Variants in MPP7 observed in about 807,000 individuals in gnomAD.
MPP7 encodes MAGUK p55 scaffold protein 7.
Under a neutral mutation model 76.5 loss-of-function variants are expected in MPP7, and 60 were observed. That is an observed-to-expected ratio of 0.78 (90% CI 0.64 to 0.97). MPP7 has a LOEUF of 0.97. MPP7 is among the 50% of genes least tolerant of loss of function. The probability of loss-of-function intolerance (pLI) is 0.00; values close to 1 mark genes in which losing one functional copy is unlikely to be tolerated. For synonymous variants in MPP7, 237 were observed against 244.5 expected (o/e 0.97, Z 0.29); for missense variants, 641 against 694.0 (o/e 0.92, Z 0.86).
At chr10:28,062,360 T>A (rs57831449) in intron 13 of MPP7, among the ~76,000 whole-genome samples, 123 of 151,340 alleles carry the variant, frequency 8.1e-4, no homozygotes, top group African/African-American at 2.9e-3. Context: ...AAAAAGCTAA[T>A]CCAGAGATAC....
Position 28,315,582 on chromosome 10 carries a change from C to T in MPP7, c.-132+14347G>A, listed in dbSNP as rs530861074. ...TGAACTGGATGGTTTTTAAGGGCTTCTTTTAGTTGTTGAAAGCTACAGGAA... is the reference window on the plus strand; with the variant it reads ...TGAACTGGATGGTTTTTAAGGGCTTTTTTTAGTTGTTGAAAGCTACAGGAA... On this transcript the variant is annotated intron_variant, in intron 2 of 11. Coordinates refer to the MPP7 transcript ENST00000441595. Among the ~76,000 whole-genome samples, 10 of 152,226 alleles carry T rather than the reference C, an allele frequency of 6.6e-5. No individual in the cohort carries two copies. In the East Asian group the frequency reaches 1.7e-3, roughly 26 times the overall value.
chr10:28,134,097 T>C (rs1436026493), intron 5 of MPP7, among the ~76,000 whole-genome samples: 3 of 152,214 alleles, frequency 2.0e-5, no homozygotes, highest in Non-Finnish European at 4.4e-5. Flanking sequence ...CATAGATATA[T>C]AGTAAGCCCA....
chr10:28,244,590 T>C (rs183339591), intron 1 of MPP7, among the ~76,000 whole-genome samples: 1 of 152,296 alleles, frequency 6.6e-6, no homozygotes, highest in East Asian at 1.9e-4. Context: ...AACCAACATA[T>C]GTCCTTTCCA....
At position 28,125,082 on chromosome 10, in the gene MPP7, T is replaced by A; in HGVS notation, c.457A>T (p.Ile153Phe). Residue 153 changes from isoleucine to phenylalanine, a missense_variant, in exon 7 of 17, where the codon ATT (isoleucine) becomes TTT (phenylalanine). Physicochemically the swap from Ile to Phe is conservative, Grantham distance 21. Coordinates refer to ENST00000683449, the MANE Select transcript of MPP7 (RefSeq NM_001318170.2). ...VKNREPLGAT[I>F]KKDEQTGAII... is the part of the protein sequence containing the mutation. ...GCCCCGGTCTGTTCATCCTTCTTAA[T>A]GGTAGCTCCCTTTTAAGACAAAAAC... 1.2e-6 allele frequency: 2 copies of A among 1,613,922 alleles called. No homozygotes were observed. Among genetic ancestry groups the A allele is most frequent in the Non-Finnish European group, 1.7e-6 (2 of 1,179,826 alleles).
At chr10:28,171,600 C>T (rs1836682842) in intron 3 of MPP7, among the ~76,000 whole-genome samples, 1 of 152,208 alleles carries the variant, frequency 6.6e-6, no homozygotes, top group Non-Finnish European at 1.5e-5. Flanking sequence ...TACTGAACCT[C>T]TTTCACGGGT....
At chr10:28,114,015 T>C (rs1254172990) in intron 11 of MPP7, among the ~76,000 whole-genome samples, 5 of 152,080 alleles carry the variant, frequency 3.3e-5, no homozygotes. Context: ...CCAGCTCCTC[T>C]CTCCAGTGTT....
At chr10:28,065,560 C>T (rs1252006142) in intron 13 of MPP7, among the ~76,000 whole-genome samples, 7 of 152,070 alleles carry the variant, frequency 4.6e-5, no homozygotes, top group Admixed American at 2.6e-4. Context: ...AAGGCAGGCA[C>T]GACTCCATCA....
rs1834390635 is a variant in MPP7, at chr10:28,324,148, T to A, written c.-132+5781A>T. 2.0e-5 allele frequency among the ~76,000 whole-genome samples: 3 copies of A among 152,122 alleles called. No individual in the cohort carries two copies. In the South Asian group the frequency reaches 6.2e-4, roughly 31 times the overall value. ...TATTAGGAGGCAGGGTCTTTGGGGC[T>A]GTGACTAGGTCATGAAGGTTCTGAA... is the stretch of plus-strand genomic sequence containing the variant. On this transcript the variant is annotated intron_variant, in intron 2 of 11. Transcript: ENST00000441595.
chr10:28,135,070 A>G (rs963490662), intron 5 of MPP7, among the ~76,000 whole-genome samples: 2 of 152,214 alleles, frequency 1.3e-5, no homozygotes, highest in African/African-American at 4.8e-5. Context: ...ATCAAGCAAC[A>G]AAGGACAGAG....
chr10:28,176,705 C>G (rs1316752730), intron 3 of MPP7, among the ~76,000 whole-genome samples: 1 of 151,864 alleles, frequency 6.6e-6, no homozygotes, highest in Non-Finnish European at 1.5e-5. Context: ...CAACTGCACT[C>G]CAGCCTGAGC....
At chr10:28,215,013 A>G (rs769088516) in intron 2 of MPP7, among the ~76,000 whole-genome samples, 15 of 152,232 alleles carry the variant, frequency 9.9e-5, no homozygotes, top group South Asian at 2.1e-4. Flanking sequence ...CAGACAGGTA[A>G]TCTGGCTCAA....
intron 1 of MPP7, among the ~76,000 whole-genome samples, chr10:28,271,294 A>T (rs1840319511): frequency 6.6e-6 from 1 of 152,232 alleles, no homozygotes; most frequent in African/African-American, 2.4e-5. Flanking sequence ...AAGAAAAAAC[A>T]TTAAGTGCTG....
intron 12 of MPP7, 27 bp from the exon 13 acceptor site, chr10:28,069,879 T>C (rs1303927078): frequency 1.3e-6 from 2 of 1,568,268 alleles, no homozygotes; most frequent in Middle Eastern, 1.7e-4. Context: ...CAGAAATTCA[T>C]TATTGGACAA....
At chr10:28,220,567 G>A (rs898807814) in intron 2 of MPP7, among the ~76,000 whole-genome samples, 2 of 152,150 alleles carry the variant, frequency 1.3e-5, no homozygotes, top group African/African-American at 4.8e-5. Context: ...TTGCAAGGTA[G>A]CAATTCAAAT....
chr10:28,058,285 C>T (rs1851642167), intron 15 of MPP7, among the ~76,000 whole-genome samples: 1 of 152,186 alleles, frequency 6.6e-6, no homozygotes, highest in Admixed American at 6.5e-5. Flanking sequence ...TTGGAGCTTC[C>T]TCCACTTCTC....
At position 28,131,699 on chromosome 10, in the gene MPP7, A is replaced by G; in HGVS notation, c.316-8T>C. ...ATGTACAGAGAGCAAAGCCTGTAATATTCAAAGGTTGATTTAAATAAGTAA... is the reference window on the plus strand; with the variant it reads ...ATGTACAGAGAGCAAAGCCTGTAATGTTCAAAGGTTGATTTAAATAAGTAA... On this transcript the variant is annotated splice_polypyrimidine_tract_variant and splice_region_variant and intron_variant, in intron 5 of 16. Coordinates refer to ENST00000683449, the MANE Select transcript of MPP7 (RefSeq NM_001318170.2). The G allele has an allele frequency of 6.5e-7, 1 of 1,530,126 alleles. No individual in the cohort carries two copies. Among genetic ancestry groups the G allele is most frequent in the Non-Finnish European group, 8.8e-7 (1 of 1,132,104 alleles). 94.8% of individuals were successfully genotyped at this position (1,530,126 alleles called of 1,614,324 possible).
intron 6 of MPP7, among the ~76,000 whole-genome samples, chr10:28,127,487 T>TGGGGAGGCCTCGCAATCATGG (rs1835054861): frequency 6.6e-6 from 1 of 152,140 alleles, no homozygotes; most frequent in Non-Finnish European, 1.5e-5. Flanking sequence ...TCCATGTGGC[T>TGGGGAGGCCTCGCAATCATGG]GGGGAGGCCT....
At chr10:28,195,765 G>A (rs1191079211) in intron 3 of MPP7, among the ~76,000 whole-genome samples, 2 of 152,194 alleles carry the variant, frequency 1.3e-5, no homozygotes, top group South Asian at 2.1e-4. Context: ...ATGATGGCTA[G>A]GGGTGAAGGA....
chr10:28,279,770 T>C (rs556396696), intron 1 of MPP7, among the ~76,000 whole-genome samples: 3 of 151,960 alleles, frequency 2.0e-5, no homozygotes, highest in Admixed American at 1.3e-4. Flanking sequence ...GCATCAGGGA[T>C]GTAAGTTTAA....
Sources: allele counts gnomAD v4.1 joint callset (sites outside exome capture counted in the v4.1 genomes callset), GRCh38; gene constraint gnomAD v4.1.1; transcripts MANE v1.5; gene names NCBI Gene and HGNC (gene_info 2026-07-23, HGNC 2026-07-21).